Variants in CTPS1 observed in about 807,000 individuals in gnomAD.
CTPS1 encodes the protein CTP synthetase 1.
A neutral mutation model predicts 80.5 loss-of-function variants in CTPS1; 25 were observed. That is an observed-to-expected ratio of 0.31 (90% confidence interval 0.23 to 0.43). CTPS1 has a LOEUF of 0.43. Among genes scored for constraint, CTPS1 ranks in the 20% least tolerant of loss-of-function variants. The pLI is 1.00. For synonymous variants in CTPS1, 267 were observed against 252.5 expected, an observed-to-expected ratio of 1.06 and a Z score of -0.54; for missense variants, 442 against 725.7, an observed-to-expected ratio of 0.61 and a Z score of 4.49.
chr1:41,007,634 C>A lies in CTPS1; in HGVS notation c.1393+89C>A. 1.7e-6 allele frequency: 2 copies of A among 1,154,680 alleles called. No homozygotes were observed. Among genetic ancestry groups the A allele is most frequent in the Non-Finnish European group, 2.5e-6 (2 of 787,868 alleles). The allele number at this position is 1,154,680 out of a possible 1,614,324, so 71.5% of individuals were successfully genotyped here. A position where few individuals can be genotyped will look rare whatever the true frequency, so the allele number is the denominator to read the frequency against. On this transcript the variant is annotated intron_variant, in intron 14 of 18. Coordinates refer to ENST00000650070, the MANE Select transcript of CTPS1 (RefSeq NM_001905.4). The surrounding 1 kb of genome is among the most constrained non-coding windows in gnomAD (Gnocchi z 4.4). ...TGATGCTGTGGCTTCGAGGAGCAGGCTGGCTTTTTTTGGTTTCGTTCTTGC... is the reference window on the plus strand; with the variant it reads ...TGATGCTGTGGCTTCGAGGAGCAGGATGGCTTTTTTTGGTTTCGTTCTTGC...
Position 40,987,428 on chromosome 1 carries a change from C to T in CTPS1, c.394C>T (p.Pro132Ser). 5 of 1,614,036 alleles carry T rather than the reference C, an allele frequency of 3.1e-6. No homozygotes were observed. Among genetic ancestry groups the T allele is most frequent in the Non-Finnish European group, 4.2e-6 (5 of 1,179,946 alleles). ...GTGGGTGATGAGACAGGCGTTAATA[C>T]CTGTAGATGAAGATGGCCTGGAACC... Reference protein sequence around the residue: ...QEWVMRQALIPVDEDGLEPQV... With the variant: ...QEWVMRQALISVDEDGLEPQV... The change falls in exon 4 of 19, where the codon CCT (proline) becomes TCT (serine). Residue 132 changes from proline to serine, a missense_variant. Around this residue, in one of 4 missense-constraint regions of CTPS1, gnomAD observed 69 missense variants for 102.1 expected, o/e 0.68. Coordinates refer to ENST00000650070, the MANE Select transcript of CTPS1 (RefSeq NM_001905.4).
rs577186383 is a variant in CTPS1, at chr1:40,992,150, C to A, written c.720+305C>A. Among the ~76,000 whole-genome samples the A allele has an allele frequency of 7.9e-4, 120 of 152,316 alleles. 1 individual carries two copies. Among genetic ancestry groups the A allele is most frequent in the Admixed American group, 4.7e-3 (72 of 15,304 alleles). The stretch of plus-strand genomic sequence containing the variant: ...TTCACTGGCTAATTTCTGTTAAGAA[C>A]CCATGTCCCCCTCTTCCTGTTGGCT... On this transcript the variant is annotated intron_variant, in intron 7 of 18. Coordinates refer to ENST00000650070, the MANE Select transcript of CTPS1 (RefSeq NM_001905.4).
At position 41,001,133 on chromosome 1, in the gene CTPS1, T is replaced by C. The variant is rs182689220; in HGVS notation, c.1094+16T>C. On this transcript the variant is annotated intron_variant, in intron 10 of 18. Transcript: ENST00000650070. ...GTAGTGCTCAGTGAGTAGAGTTCGCTGCCTTGGGTTTCCAGAGTTCTTTTG... is the reference window on the plus strand; with the variant it reads ...GTAGTGCTCAGTGAGTAGAGTTCGCCGCCTTGGGTTTCCAGAGTTCTTTTG... 3.8e-6 allele frequency: 6 copies of C among 1,579,890 alleles called. No individual in the cohort carries two copies. Among genetic ancestry groups the C allele is most frequent in the East Asian group, 4.5e-5 (2 of 44,140 alleles).
At chr1:41,009,371 A>T in intron 16 of CTPS1, 74 bp from the exon 17 acceptor site, 3 of 1,400,232 alleles carry the variant, frequency 2.1e-6, no homozygotes, top group Middle Eastern at 1.9e-4. Flanking sequence ...ACAAACATTT[A>T]AGCAGATTTT....
chr1:40,987,518 A>T, intron 4 of CTPS1, 46 bp downstream of exon 4: 1 of 1,356,844 alleles, frequency 7.4e-7, no homozygotes, highest in South Asian at 1.2e-5. Flanking sequence ...TCATCTCCTT[A>T]GTCAGCCATC....
intron 18 of CTPS1, among the ~76,000 whole-genome samples, chr1:41,011,011 C>T (rs1221601309): frequency 3.3e-5 from 5 of 152,280 alleles, no homozygotes; most frequent in South Asian, 4.1e-4. Context: ...GTGGTTCCAC[C>T]GCTCCTGCCC....
At chr1:40,980,207 C>T (rs947117140) in intron 1 of CTPS1, 3 of 148,898 alleles carry the variant, frequency 2.0e-5, no homozygotes, top group African/African-American at 7.4e-5. Context: ...CGCCCCCCCC[C>T]ACACCCTCCG....
rs553439226 is a variant in CTPS1 at position 40,990,630 on chromosome 1, AAAG to A, written c.556-532_556-530del. On this transcript the variant is annotated intron_variant, in intron 5 of 18. Transcript: ENST00000650070. ...CAAGAGCCTGTCTCGATTTAAAAAA[AAAG>A]AAAAAGTCCAACAGAAAATGATTTC... Among the ~76,000 whole-genome samples, 558 of 152,294 alleles carry A rather than the reference AAAG, an allele frequency of 3.7e-3. 2 individuals carry two copies. The highest frequency in any genetic ancestry group is 0.012 in the African/African-American group (518 of 41,556).
At position 40,988,579 on chromosome 1, in the gene CTPS1, A is replaced by C. The variant is rs1642518522; in HGVS notation, c.439-15A>C. ...GGTTTAGTGCCTAACCTCTGAAACA[A>C]CTTTGTTCTTCTAGCTTGGTGGAAC... is the stretch of plus-strand genomic sequence containing the variant. On this transcript the variant is annotated splice_polypyrimidine_tract_variant and intron_variant, in intron 4 of 18. Transcript: ENST00000650070. 2.5e-5 allele frequency: 40 copies of C among 1,594,982 alleles called. No individual in the cohort carries two copies. The highest frequency in any genetic ancestry group is 3.4e-5 in the Non-Finnish European group (39 of 1,162,958).
intron 7 of CTPS1, among the ~76,000 whole-genome samples, chr1:40,995,003 C>G (rs563997172): frequency 6.6e-6 from 1 of 152,270 alleles, no homozygotes; most frequent in African/African-American, 2.4e-5. Flanking sequence ...ACACTGGAAT[C>G]ACTTGGGGAG....
At chr1:40,993,774 C>T (rs866692909) in intron 7 of CTPS1, among the ~76,000 whole-genome samples, 26 of 85,804 alleles carry the variant, frequency 3.0e-4, no homozygotes, top group South Asian at 9.9e-4. Context: ...TTTCTTCTCT[C>T]TTTTTTTTTT....
rs114348079 is a variant in CTPS1, at chr1:41,010,416, T to C, written c.*9+162T>C. On this transcript the variant is annotated intron_variant, in intron 18 of 18. Transcript: ENST00000650070. ...GAGGTTGAGAGAGAAAAGAAAGTAG[T>C]GAGGTCATTGTGGGTATCAAATGGG... Among the ~76,000 whole-genome samples the C allele has an allele frequency of 8.8e-3, 1,333 of 152,238 alleles. 9 individuals are homozygous for C. Among genetic ancestry groups the C allele is most frequent in the Non-Finnish European group, 0.014 (928 of 68,004 alleles).
In CTPS1 at chr1:40,997,350, G is replaced by A. The variant is rs1468981176; in HGVS notation, c.873-44G>A. The stretch of plus-strand genomic sequence containing the variant: ...AGCTATTTTGGTCTCATGATAGCGT[G>A]TACCTTCTGAGTAATTGGGTTTTTC... On this transcript the variant is annotated intron_variant, in intron 8 of 18. Coordinates refer to ENST00000650070, the MANE Select transcript of CTPS1 (RefSeq NM_001905.4). The A allele has an allele frequency of 5.0e-6, 8 of 1,599,172 alleles. No homozygotes were observed. In the Admixed American group the frequency reaches 1.4e-4, roughly 28 times the overall value.
intron 10 of CTPS1, 137 bp from the exon 11 acceptor site, chr1:41,002,023 C>A (rs868379531): frequency 1.7e-5 from 13 of 755,636 alleles, no homozygotes; most frequent in African/African-American, 1.4e-4. Flanking sequence ...TGTTTACATA[C>A]AATTCATTGT....
chr1:41,002,090 G>C, intron 10 of CTPS1, 70 bp from the exon 11 acceptor site: 1 of 1,380,234 alleles, frequency 7.2e-7, no homozygotes, highest in East Asian at 2.3e-5. Flanking sequence ...GTAATGGCCC[G>C]TTAGGCGATT....
chr1:40,984,628 T>A (rs552263230), intron 2 of CTPS1, among the ~76,000 whole-genome samples, 193 bp from the exon 3 acceptor site: 1 of 152,342 alleles, frequency 6.6e-6, no homozygotes, highest in African/African-American at 2.4e-5. Flanking sequence ...GCTAGAAGTA[T>A]GAGGTTACCT....
chr1:41,004,723 A>G (rs576333549), intron 12 of CTPS1, among the ~76,000 whole-genome samples: 1 of 152,348 alleles, frequency 6.6e-6, no homozygotes, highest in Admixed American at 6.5e-5. Flanking sequence ...TGACTGAGCT[A>G]TTGAGTGAAA....
chr1:41,000,201 GA>G (rs1422229276), intron 9 of CTPS1, among the ~76,000 whole-genome samples: 1 of 150,488 alleles, frequency 6.6e-6, no homozygotes, highest in Non-Finnish European at 1.5e-5. Flanking sequence ...CACATTCTGG[GA>G]AGATGGTAAC....
chr1:40,981,864 T>TGGG (rs1642311776), intron 1 of CTPS1: 1 of 461,952 alleles, frequency 2.2e-6, no homozygotes, highest in Admixed American at 5.5e-5. Context: ...TTTCTTGCTC[T>TGGG]GGGGAGGGGG....
Sources: gnomAD v4.1 joint callset for allele counts (sites outside exome capture counted in the v4.1 genomes callset) on GRCh38, gnomAD v4.1.1 for gene constraint, gnomAD v4.1.1 regional missense constraint, Gnocchi (gnomAD v3.1) non-coding constraint, MANE v1.5 for transcripts, NCBI Gene and HGNC (gene_info 2026-07-23, HGNC 2026-07-21) for gene names.